Variants in SP4 observed in about 807,000 individuals in gnomAD.
The protein encoded by SP4 is transcription factor Sp4.
SP4 carries 19 observed loss-of-function variants against 72.8 expected under a neutral mutation model. That is an observed-to-expected ratio of 0.26 (90% CI 0.18 to 0.38). SP4 has a LOEUF of 0.38. Ranked by LOEUF, SP4 falls within the 10% of genes least tolerant of loss-of-function variation. The pLI is 1.00. For missense variants in SP4, 1,008 were observed against 926.3 expected, an observed-to-expected ratio of 1.09 and a Z score of -1.14; for synonymous variants, 395 against 333.1, an observed-to-expected ratio of 1.19 and a Z score of -2.02.
chr7:21,504,857 A>G (rs1357499598), intron 5 of SP4, among the ~76,000 whole-genome samples: 1 of 152,158 alleles, frequency 6.6e-6, no homozygotes, highest in Non-Finnish European at 1.5e-5. Flanking sequence ...CACTGCTTGC[A>G]CGTATTTGGG....
chr7:21,498,523 G>T (rs1436774686), intron 5 of SP4, among the ~76,000 whole-genome samples: 1 of 152,052 alleles, frequency 6.6e-6, no homozygotes, highest in Non-Finnish European at 1.5e-5. Flanking sequence ...TGGGAGTAAG[G>T]TAGGGGTGTT....
chr7:21,495,443 A>G (rs1252833866), intron 5 of SP4, among the ~76,000 whole-genome samples: 1 of 149,714 alleles, frequency 6.7e-6, no homozygotes, highest in African/African-American at 2.5e-5. Flanking sequence ...AGGATTTGAC[A>G]CTTCACCAGA....
intron 3 of SP4, among the ~76,000 whole-genome samples, chr7:21,457,391 C>T (rs1293862229): frequency 6.6e-6 from 1 of 152,128 alleles, no homozygotes; most frequent in African/African-American, 2.4e-5. Flanking sequence ...GTGCTATCAT[C>T]TTCGCTTCCT....
chr7:21,432,307 T>C (rs768565808), intron 3 of SP4, among the ~76,000 whole-genome samples: 26 of 152,248 alleles, frequency 1.7e-4, no homozygotes, highest in Admixed American at 5.9e-4. Context: ...TTATTTCTAC[T>C]CCTTTGCTAA....
At chr7:21,494,169 A>G (rs762380540) in intron 5 of SP4, among the ~76,000 whole-genome samples, 1 of 152,214 alleles carries the variant, frequency 6.6e-6, no homozygotes, top group Non-Finnish European at 1.5e-5. Context: ...AGAAATCTGC[A>G]GTTAACATCA....
intron 3 of SP4, among the ~76,000 whole-genome samples, chr7:21,439,524 T>A (rs1231305345): frequency 1.3e-5 from 2 of 152,030 alleles, no homozygotes; most frequent in African/African-American, 4.8e-5. Context: ...CTTTTTTTTT[T>A]TTTCCATGAA....
intron 3 of SP4, among the ~76,000 whole-genome samples, chr7:21,447,439 T>C (rs893491830): frequency 5.9e-5 from 9 of 152,154 alleles, no homozygotes; most frequent in African/African-American, 2.2e-4. Flanking sequence ...AATCTAGAAA[T>C]TTAGTAGAAG....
At chr7:21,489,102 T>C (rs77809815) in intron 5 of SP4, among the ~76,000 whole-genome samples, 5,815 of 152,286 alleles carry the variant, frequency 0.038, 184 homozygotes, top group African/African-American at 0.087. Flanking sequence ...GTATAGGTTC[T>C]TTATAATATA....
chr7:21,480,083 C>G (rs1258696461), intron 4 of SP4, among the ~76,000 whole-genome samples: 4 of 151,864 alleles, frequency 2.6e-5, no homozygotes, highest in Admixed American at 2.6e-4. Flanking sequence ...TTACTTTTTC[C>G]TTTCTACTCT....
intron 5 of SP4, 75 bp downstream of exon 5, chr7:21,482,198 C>CT (rs1772602030): frequency 5.9e-6 from 7 of 1,182,238 alleles, no homozygotes; most frequent in Non-Finnish European, 7.4e-6. Flanking sequence ...GATAGTTTAG[C>CT]TATCAAATTG....
chr7:21,509,255 C>T (rs988888129), intron 5 of SP4, among the ~76,000 whole-genome samples: 1 of 152,042 alleles, frequency 6.6e-6, no homozygotes, highest in Non-Finnish European at 1.5e-5. Context: ...TCCTGGTTTG[C>T]CAAGAGCTCT....
chr7:21,488,479 C>CTTTTTTTTTTTTT (rs59893862), intron 5 of SP4, among the ~76,000 whole-genome samples: 1 of 133,240 alleles, frequency 7.5e-6, no homozygotes, highest in African/African-American at 2.8e-5. Context: ...ACTTCCTTTC[C>CTTTTTTTTTTTTT]TTTTTTTTTT....
chr7:21,428,199 C>CCCCCCCCAAA lies in SP4; in HGVS notation c.-53_-52insCCCCCCCAAA. 1.8e-6 allele frequency: 2 copies of CCCCCCCCAAA among 1,119,140 alleles called. No homozygotes were observed. The highest frequency in any genetic ancestry group is 2.6e-6 in the Non-Finnish European group (2 of 767,810). 69.3% of individuals were successfully genotyped at this position (1,119,140 alleles called of 1,614,324 possible). A position where few individuals can be genotyped will look rare whatever the true frequency, so the allele number is the denominator to read the frequency against. ...TCTCCTCCCGCCTCGCCCCCACCCCCACCCACCTCTATCCCAGTGTCTCCG... is the reference window on the plus strand; with the variant it reads ...TCTCCTCCCGCCTCGCCCCCACCCCCCCCCCCCAAAACCCACCTCTATCCCAGTGTCTCCG... On this transcript the variant is annotated 5_prime_UTR_variant, in exon 1 of 6. Transcript: ENST00000222584.
intron 5 of SP4, among the ~76,000 whole-genome samples, chr7:21,491,036 G>GCCA (rs1324434476): frequency 1.3e-5 from 2 of 152,122 alleles, no homozygotes; most frequent in Non-Finnish European, 2.9e-5. Context: ...CATACTATGA[G>GCCA]CCACGTAAAG....
At chr7:21,507,603 T>C (rs1782032281) in intron 5 of SP4, among the ~76,000 whole-genome samples, 1 of 152,124 alleles carries the variant, frequency 6.6e-6, no homozygotes. Context: ...CTGTCTCTTG[T>C]GAGGTTGGGG....
intron 5 of SP4, among the ~76,000 whole-genome samples, chr7:21,508,717 A>T (rs1782071151): frequency 6.6e-6 from 1 of 150,710 alleles, no homozygotes; most frequent in South Asian, 2.1e-4. Context: ...ACCTAGCTAG[A>T]CCCTGGAATA....
At chr7:21,469,593 G>A (rs989399796) in intron 3 of SP4, among the ~76,000 whole-genome samples, 1 of 147,074 alleles carries the variant, frequency 6.8e-6, no homozygotes, top group Non-Finnish European at 1.5e-5. Context: ...CCAGGCTGGA[G>A]TGCAGTGGTG....
At chr7:21,440,460 C>T (rs368486992) in intron 3 of SP4, among the ~76,000 whole-genome samples, 9 of 151,994 alleles carry the variant, frequency 5.9e-5, no homozygotes, top group East Asian at 1.9e-4. Flanking sequence ...CAGAGGTAAA[C>T]GAGAAATTTG....
rs117223751 is a variant in SP4 at position 21,506,855 on chromosome 7, G to A, written c.2108-4167G>A. Among the ~76,000 whole-genome samples, 225 of 152,252 alleles carry A rather than the reference G, an allele frequency of 1.5e-3. 4 individuals are homozygous for A. The East Asian group carries it at 0.039, about 26-fold the overall frequency. ...AGTTTCCTCTTTTTCTTGTTGAATC[G>A]TGAATGTGTCCTATGTCCTACGAGT... On this transcript the variant is annotated intron_variant, in intron 5 of 5. Coordinates refer to ENST00000222584, the MANE Select transcript of SP4 (RefSeq NM_003112.5).
Sources: gnomAD v4.1 joint callset for allele counts (sites outside exome capture counted in the v4.1 genomes callset) on GRCh38, gnomAD v4.1.1 for gene constraint, MANE v1.5 for transcripts, NCBI Gene and HGNC (gene_info 2026-07-23, HGNC 2026-07-21) for gene names.